The following ADGRB3 variants were observed in gnomAD, a reference collection of about 807,000 sequenced individuals.
ADGRB3 encodes adhesion G protein-coupled receptor B3, also known as brain-specific angiogenesis inhibitor 3.
A neutral mutation model predicts 193.4 loss-of-function variants in ADGRB3; 37 were observed. That is an observed-to-expected ratio of 0.19 (90% CI 0.15 to 0.25). The LOEUF (loss-of-function observed/expected upper bound fraction) is 0.25, where lower values mean the gene tolerates loss of function less well. Ranked by LOEUF, ADGRB3 falls within the 10% of genes least tolerant of loss-of-function variation. The pLI, the probability that ADGRB3 is intolerant of heterozygous loss-of-function variation, is 1.00. For synonymous variants in ADGRB3, 690 were observed against 644.2 expected (o/e 1.07, Z -1.08); for missense variants, 1,637 against 1,852.9 (o/e 0.88, Z 2.14).
chr6:68,930,179 T>G (rs1421402480), intron 3 of ADGRB3, among the ~76,000 whole-genome samples: 2 of 151,916 alleles, frequency 1.3e-5, no homozygotes. Context: ...TGGGGGTGAT[T>G]GTTGTTTAGC....
At chr6:69,203,747 C>T (rs550307462) in intron 17 of ADGRB3, among the ~76,000 whole-genome samples, 5 of 152,176 alleles carry the variant, frequency 3.3e-5, no homozygotes, top group South Asian at 2.1e-4. Context: ...ATGCATAATC[C>T]GCACAAACTG....
chr6:68,899,957 G>A (rs1418536178), intron 3 of ADGRB3, among the ~76,000 whole-genome samples: 2 of 152,102 alleles, frequency 1.3e-5, no homozygotes, highest in Middle Eastern at 3.4e-3. Flanking sequence ...AAAAAGGCAT[G>A]AGTAATATAC....
intron 20 of ADGRB3, among the ~76,000 whole-genome samples, chr6:69,268,792 G>A (rs1359441171): frequency 6.6e-6 from 1 of 152,054 alleles, no homozygotes; most frequent in Non-Finnish European, 1.5e-5. Context: ...CTTTCCCTGT[G>A]TTGCCCACTC....
intron 17 of ADGRB3, among the ~76,000 whole-genome samples, chr6:69,111,903 G>T (rs952482086): frequency 1.2e-4 from 18 of 152,100 alleles, no homozygotes; most frequent in African/African-American, 4.3e-4. Flanking sequence ...TATCTGTTGG[G>T]GTATAGGTCA....
chr6:69,061,042 A>G (rs1448775582), intron 15 of ADGRB3, among the ~76,000 whole-genome samples: 2 of 151,300 alleles, frequency 1.3e-5, no homozygotes, highest in African/African-American at 2.4e-5. Flanking sequence ...AATGTACTGT[A>G]CCTTCAATTG....
intron 15 of ADGRB3, among the ~76,000 whole-genome samples, chr6:69,052,164 A>G (rs991037984): frequency 3.3e-5 from 5 of 152,208 alleles, no homozygotes; most frequent in Admixed American, 2.0e-4. Context: ...CTGAGATTGC[A>G]GGCATGAGCC....
At chr6:69,168,930 T>G (rs1016639068) in intron 17 of ADGRB3, among the ~76,000 whole-genome samples, 4 of 152,150 alleles carry the variant, frequency 2.6e-5, no homozygotes, top group African/African-American at 4.8e-5. Context: ...TACTAACATC[T>G]CAACTTATTT....
At chr6:68,721,994 T>G (rs1450072823) in intron 3 of ADGRB3, among the ~76,000 whole-genome samples, 1 of 151,698 alleles carries the variant, frequency 6.6e-6, no homozygotes. Context: ...ACAATTTTCT[T>G]CATTCTTCTT....
At chr6:69,230,599 AT>A (rs1766112377) in intron 17 of ADGRB3, among the ~76,000 whole-genome samples, 1 of 152,246 alleles carries the variant, frequency 6.6e-6, no homozygotes, top group Non-Finnish European at 1.5e-5. Flanking sequence ...AGTTATATGT[AT>A]GCTAGTGAGT....
At chr6:68,963,702 A>G (rs1032425850) in intron 8 of ADGRB3, among the ~76,000 whole-genome samples, 1 of 152,032 alleles carries the variant, frequency 6.6e-6, no homozygotes, top group African/African-American at 2.4e-5. Context: ...TCTTATCCTC[A>G]TCTGTTGATA....
At chr6:68,907,840 A>G (rs1382560221) in intron 3 of ADGRB3, among the ~76,000 whole-genome samples, 3 of 151,906 alleles carry the variant, frequency 2.0e-5, no homozygotes, top group Non-Finnish European at 4.4e-5. Context: ...AAAACACACT[A>G]GGTAGCTTTT....
intron 17 of ADGRB3, among the ~76,000 whole-genome samples, chr6:69,215,503 T>C: frequency 6.6e-6 from 1 of 152,074 alleles, no homozygotes; most frequent in East Asian, 1.9e-4. Context: ...TAGATAGATA[T>C]ATCTCTATAG....
At chr6:69,172,620 G>C (rs1312965813) in intron 17 of ADGRB3, among the ~76,000 whole-genome samples, 2 of 130,778 alleles carry the variant, frequency 1.5e-5, no homozygotes, top group African/African-American at 6.1e-5. Flanking sequence ...CTCCAGCCTG[G>C]GCGACAGAGC....
At chr6:69,166,699 G>T (rs1444730571) in intron 17 of ADGRB3, among the ~76,000 whole-genome samples, 1 of 151,950 alleles carries the variant, frequency 6.6e-6, no homozygotes, top group Non-Finnish European at 1.5e-5. Flanking sequence ...AATCAACAGT[G>T]AAAATGAAAA....
intron 5 of ADGRB3, among the ~76,000 whole-genome samples, chr6:68,940,165 A>G (rs539782099): frequency 2.7e-4 from 41 of 152,344 alleles, no homozygotes; most frequent in Middle Eastern, 3.4e-3. Context: ...ACTCAAAGTA[A>G]AAAACAATGG....
intron 29 of ADGRB3, among the ~76,000 whole-genome samples, chr6:69,363,800 G>A (rs1208007710): frequency 6.6e-6 from 1 of 151,944 alleles, no homozygotes; most frequent in East Asian, 1.9e-4. Context: ...CTTTCTTCTC[G>A]GGCAGCATGA....
chr6:69,126,196 A>G lies in ADGRB3; in HGVS notation c.2480+50158A>G, dbSNP rs1357861619. On this transcript the variant is annotated intron_variant, in intron 17 of 31. Coordinates refer to ENST00000370598, the MANE Select transcript of ADGRB3 (RefSeq NM_001704.3). ...TAGATTTCCCCAGAGAAACAGAACC[A>G]ATAGGAAATGATTGATAGATAGATA... Among the ~76,000 whole-genome samples, 6 of 144,034 alleles carry G rather than the reference A, an allele frequency of 4.2e-5. No individual in the cohort carries two copies. In the South Asian group the frequency reaches 1.5e-3, roughly 35 times the overall value. 94.5% of individuals were successfully genotyped at this position (144,034 alleles called of 152,430 possible). A position where few individuals can be genotyped will look rare whatever the true frequency, so the allele number is the denominator to read the frequency against.
In ADGRB3 at chr6:69,331,020, G is replaced by T. The variant is rs116415446; in HGVS notation, c.3102+448G>T. Among the ~76,000 whole-genome samples, 64 of 152,094 alleles carry T rather than the reference G, an allele frequency of 4.2e-4. 1 individual carries two copies. Among genetic ancestry groups the T allele is most frequent in the African/African-American group, 1.5e-3 (63 of 41,486 alleles). Reference sequence around the variant, plus strand: ...TCGACCTCAGTGATACTGATATTTTGGATCATATGTTTGTTTGTTGCAGAG... The same window carrying T: ...TCGACCTCAGTGATACTGATATTTTTGATCATATGTTTGTTTGTTGCAGAG... On this transcript the variant is annotated intron_variant, in intron 23 of 31. Coordinates refer to ENST00000370598, the MANE Select transcript of ADGRB3 (RefSeq NM_001704.3).
intron 3 of ADGRB3, among the ~76,000 whole-genome samples, chr6:68,831,169 A>G (rs1185833688): frequency 6.6e-6 from 1 of 151,854 alleles, no homozygotes; most frequent in East Asian, 1.9e-4. Flanking sequence ...ACATTTGACA[A>G]AGCTATAGAG....
Sources: allele counts gnomAD v4.1 joint callset (sites outside exome capture counted in the v4.1 genomes callset), GRCh38; gene constraint gnomAD v4.1.1; transcripts MANE v1.5; gene names NCBI Gene and HGNC (gene_info 2026-07-23, HGNC 2026-07-21).